Variants in TRPM8 observed in about 807,000 individuals in gnomAD.
The protein encoded by TRPM8 is transient receptor potential cation channel subfamily M member 8.
Under a neutral mutation model 133.7 loss-of-function variants are expected in TRPM8, and 110 were observed. The ratio of observed to expected loss-of-function variants is 0.82; its 90% CI spans 0.70 to 0.96. TRPM8 has a LOEUF of 0.96. Among genes scored for constraint, TRPM8 ranks in the 40% least tolerant of loss-of-function variants. The pLI is 0.00. For missense variants in TRPM8, 1,291 were observed against 1,379.5 expected, an observed-to-expected ratio of 0.94 and a Z score of 1.02; for synonymous variants, 535 against 532.3, an observed-to-expected ratio of 1.01 and a Z score of -0.07.
intron 14 of TRPM8, 130 bp from the exon 15 acceptor site, chr2:233,966,480 T>C (rs2125205241): frequency 1.8e-6 from 2 of 1,135,356 alleles, no homozygotes; most frequent in East Asian, 4.8e-5. Flanking sequence ...GCATTTTCTA[T>C]GCCTTTTGTA....
rs551619872 is a variant in TRPM8 at position 233,983,733 on chromosome 2, G to C, written c.2761+509G>C. Among the ~76,000 whole-genome samples the C allele has an allele frequency of 2.0e-5, 3 of 152,186 alleles. No individual in the cohort carries two copies. In the East Asian group the frequency reaches 5.8e-4, roughly 29 times the overall value. On this transcript the variant is annotated intron_variant, in intron 20 of 25. Coordinates refer to ENST00000324695, the MANE Select transcript of TRPM8 (RefSeq NM_024080.5). ...CCGATTTACAGAAGGAAAGTGAGGGGCTATGTAAATTGTGTGTTTTGGATG... is the reference window on the plus strand; with the variant it reads ...CCGATTTACAGAAGGAAAGTGAGGGCCTATGTAAATTGTGTGTTTTGGATG...
At chr2:233,999,759 C>T (rs1323902657) in intron 22 of TRPM8, among the ~76,000 whole-genome samples, 2 of 152,192 alleles carry the variant, frequency 1.3e-5, no homozygotes, top group Non-Finnish European at 2.9e-5. Context: ...TTCGAGCAGT[C>T]CCACGTTATC....
intron 3 of TRPM8, among the ~76,000 whole-genome samples, chr2:233,931,771 C>T (rs1691683796): frequency 6.6e-6 from 1 of 152,226 alleles, no homozygotes; most frequent in Admixed American, 6.5e-5. Context: ...CTGGTAAAAA[C>T]ATACGCATCA....
intron 24 of TRPM8, among the ~76,000 whole-genome samples, chr2:234,011,697 T>A (rs993572972): frequency 2.6e-5 from 4 of 152,046 alleles, no homozygotes; most frequent in Admixed American, 6.5e-5. Context: ...GGCAGGTGGA[T>A]CACAAGGTCA....
At chr2:233,960,724 C>G in intron 11 of TRPM8, 52 bp from the exon 12 acceptor site, 1 of 1,503,224 alleles carries the variant, frequency 6.7e-7, no homozygotes. Context: ...TAGTGCTTTC[C>G]TTACCATATT....
chr2:234,005,307 T>A (rs1009317277), intron 22 of TRPM8, among the ~76,000 whole-genome samples: 2 of 152,190 alleles, frequency 1.3e-5, no homozygotes, highest in Non-Finnish European at 2.9e-5. Context: ...TTTTCCAGCA[T>A]GGTTAGTGAA....
chr2:233,923,570 C>A (rs537286132), intron 1 of TRPM8, among the ~76,000 whole-genome samples: 53 of 152,320 alleles, frequency 3.5e-4, no homozygotes, highest in African/African-American at 1.3e-3. Context: ...GGGCCGGCAT[C>A]CACTGCACAT....
Position 233,985,772 on chromosome 2 carries a change from C to T in TRPM8, c.2846C>T (p.Pro949Leu). The T allele has an allele frequency of 6.2e-7, 1 of 1,614,172 alleles. No individual in the cohort carries two copies. The highest frequency in any genetic ancestry group is 8.5e-7 in the Non-Finnish European group (1 of 1,180,030). The change falls in exon 21 of 26, where the codon CCC (proline) becomes CTC (leucine). Residue 949 changes from proline to leucine, a missense_variant. Physicochemically the swap from Pro to Leu is moderately conservative, Grantham distance 98. Coordinates refer to ENST00000324695, the MANE Select transcript of TRPM8 (RefSeq NM_024080.5). Reference protein sequence around the residue: ...LCVELDEHNLPRFPEWITIPL... With the variant: ...LCVELDEHNLLRFPEWITIPL... ...GTGGAGCTGGATGAGCACAACCTGC[C>T]CCGGTTCCCCGAGTGGATCACCATC...
rs76402684 is a variant in TRPM8 at position 233,984,568 on chromosome 2, A to T, written c.2762-1120A>T. Among the ~76,000 whole-genome samples the T allele has an allele frequency of 1.1e-3, 172 of 152,072 alleles. 1 individual carries two copies. The highest frequency in any genetic ancestry group is 4.1e-3 in the African/African-American group (168 of 41,478). On this transcript the variant is annotated intron_variant, in intron 20 of 25. Transcript: ENST00000324695. ...CTAGTTTTGTTGATTTTTATCTCCT[A>T]AATGTTTTTTTGAAATCTGTTTTTT...
intron 3 of TRPM8, among the ~76,000 whole-genome samples, chr2:233,932,718 C>T (rs1691704859): frequency 6.6e-6 from 1 of 151,854 alleles, no homozygotes; most frequent in Non-Finnish European, 1.5e-5. Context: ...ACCTCAGGGT[C>T]TTCCAGTTCC....
intron 3 of TRPM8, among the ~76,000 whole-genome samples, chr2:233,936,227 G>A (rs888816448): frequency 1.3e-5 from 2 of 152,128 alleles, no homozygotes; most frequent in Admixed American, 6.5e-5. Flanking sequence ...AGGACATCCC[G>A]CTCATCTTGG....
chr2:233,980,926 G>A (rs900634064), intron 18 of TRPM8, among the ~76,000 whole-genome samples: 1 of 152,088 alleles, frequency 6.6e-6, no homozygotes, highest in Non-Finnish European at 1.5e-5. Context: ...GATAAAGCTA[G>A]CAACTGGGCA....
intron 11 of TRPM8, among the ~76,000 whole-genome samples, chr2:233,960,481 G>A (rs1691405967): frequency 6.6e-6 from 1 of 152,028 alleles, no homozygotes; most frequent in African/African-American, 2.4e-5. Context: ...ATCTCTACAT[G>A]GGTGTATTTA....
chr2:233,950,206 G>A, intron 9 of TRPM8, 60 bp downstream of exon 9: 4 of 1,533,340 alleles, frequency 2.6e-6, no homozygotes, highest in Non-Finnish European at 3.5e-6. Context: ...TGAGAAGGGA[G>A]AATGCCTTAA....
At chr2:233,954,994 C>T in intron 10 of TRPM8, 138 bp from the exon 11 acceptor site, 1 of 634,896 alleles carries the variant, frequency 1.6e-6, no homozygotes. Flanking sequence ...GAGTGAATGA[C>T]AGTTTGAGTG....
chr2:233,957,321 GC>G (rs35745753), intron 11 of TRPM8, among the ~76,000 whole-genome samples: 82 of 138,162 alleles, frequency 5.9e-4, no homozygotes, highest in African/African-American at 1.8e-3. Flanking sequence ...CCCCACCTCT[GC>G]CCCCCCCAAA....
intron 22 of TRPM8, among the ~76,000 whole-genome samples, chr2:233,998,962 C>T (rs1167512572): frequency 1.3e-5 from 2 of 152,178 alleles, no homozygotes; most frequent in South Asian, 4.1e-4. Flanking sequence ...GTTAATGACT[C>T]GGGTTGGACC....
At position 233,963,265 on chromosome 2, in the gene TRPM8, A is replaced by G; in HGVS notation, c.1654-17A>G. ...GTTTCCATTTGCACATGCTGACCAC[A>G]TGCTCTAACCCCCCAGGACGTGTCT... On this transcript the variant is annotated splice_polypyrimidine_tract_variant and intron_variant, in intron 12 of 25. Transcript: ENST00000324695. 1 of 1,586,550 alleles carries G rather than the reference A, an allele frequency of 6.3e-7. No homozygotes were observed. The highest frequency in any genetic ancestry group is 8.6e-7 in the Non-Finnish European group (1 of 1,156,552).
chr2:233,943,067 C>CTTTTTT lies in TRPM8; in HGVS notation c.699+334_699+339dup, dbSNP rs67315288. On this transcript the variant is annotated intron_variant, in intron 6 of 25. Transcript: ENST00000324695. ...GCGGGCTCAAAGCCAACTGCAGTAT[C>CTTTTTT]TTTTTTTTTTTTTTTTTTTTACACC... The CTTTTTT allele has an allele frequency of 1.0e-3, 178 of 178,520 alleles. 2 individuals carry two copies. The highest frequency in any genetic ancestry group is 5.1e-3 in the African/African-American group (150 of 29,536). The allele number at this position is 178,520 out of a possible 1,614,324, so 11.1% of individuals were successfully genotyped here.
Sources: gnomAD v4.1 joint callset for allele counts (sites outside exome capture counted in the v4.1 genomes callset) on GRCh38, gnomAD v4.1.1 for gene constraint, MANE v1.5 for transcripts, NCBI Gene and HGNC (gene_info 2026-07-23, HGNC 2026-07-21) for gene names.